The following ZNF875 variants were observed in gnomAD, a reference collection of about 807,000 sequenced individuals.
ZNF875 encodes zinc finger protein 875.
ZNF875 carries 14 observed loss-of-function variants against 11.2 expected under a neutral mutation model. The ratio of observed to expected loss-of-function variants is 1.26; its 90% confidence interval spans 0.83 to 1.96. ZNF875 has a LOEUF of 1.96. Ranked by LOEUF, ZNF875 falls within the 30% of genes most tolerant of loss-of-function variation. The pLI is 0.00. For synonymous variants in ZNF875, 301 were observed against 281.1 expected (o/e 1.07, Z -0.71); for missense variants, 752 against 760.4 (o/e 0.99, Z 0.13).
At chr19:37,359,525 T>A in intron 4 of ZNF875, 1 of 257,868 alleles carries the variant, frequency 3.9e-6, no homozygotes. Flanking sequence ...TGCCTCAGCC[T>A]CCTGAGTAGC....
At chr19:37,351,711 C>G (rs2037929988) in intron 4 of ZNF875, among the ~76,000 whole-genome samples, 1 of 152,108 alleles carries the variant, frequency 6.6e-6, no homozygotes, top group Non-Finnish European at 1.5e-5. Context: ...TCCAGATATT[C>G]AGGTATTTTC....
chr19:37,329,145 T>TG (rs2032991786), intron 4 of ZNF875: 1 of 152,230 alleles, frequency 6.6e-6, no homozygotes, highest in African/African-American at 2.4e-5. Flanking sequence ...GACACACACA[T>TG]CTGCTCACTG....
chr19:37,328,758 C>T (rs1442268327), intron 4 of ZNF875: 1 of 152,138 alleles, frequency 6.6e-6, no homozygotes, highest in Non-Finnish European at 1.5e-5. Flanking sequence ...TGGAGCACTC[C>T]CTGCGTGGTG....
chr19:37,318,451 A>G (rs905420735), intron 1 of ZNF875, among the ~76,000 whole-genome samples: 1 of 152,138 alleles, frequency 6.6e-6, no homozygotes, highest in African/African-American at 2.4e-5. Flanking sequence ...GTTGCTAATC[A>G]AACCAATTTT....
chr19:37,324,417 A>T (rs2032059447), intron 4 of ZNF875, among the ~76,000 whole-genome samples: 2 of 152,102 alleles, frequency 1.3e-5, no homozygotes, highest in African/African-American at 4.8e-5. Context: ...ATACCCCAAG[A>T]GTTGTCTGGT....
At chr19:37,338,817 T>A (rs1006228920) in intron 2 of ZNF875, among the ~76,000 whole-genome samples, 1 of 152,170 alleles carries the variant, frequency 6.6e-6, no homozygotes, top group African/African-American at 2.4e-5. Context: ...TAATCACATG[T>A]TTCAGGAGCG....
intron 4 of ZNF875, among the ~76,000 whole-genome samples, chr19:37,353,452 A>T (rs2038305204): frequency 6.6e-6 from 1 of 152,192 alleles, no homozygotes; most frequent in African/African-American, 2.4e-5. Context: ...ATTTTTAAAG[A>T]AATTAAGGTA....
chr19:37,360,280 C>T (rs1220134374), intron 4 of ZNF875, among the ~76,000 whole-genome samples: 1 of 152,220 alleles, frequency 6.6e-6, no homozygotes, highest in Non-Finnish European at 1.5e-5. Flanking sequence ...TCCATGATCT[C>T]CATCTTCCTC....
chr19:37,319,368 T>TATATATATATATATATAA (rs1390266781), intron 1 of ZNF875, among the ~76,000 whole-genome samples: 1 of 144,020 alleles, frequency 6.9e-6, no homozygotes, highest in African/African-American at 2.6e-5. Flanking sequence ...TATATATATA[T>TATATATATATATATATAA]AATAAAAATG....
At chr19:37,314,123 A>T (rs1415664078), upstream of ZNF875, among the ~76,000 whole-genome samples, 1 of 151,824 alleles carries the variant, frequency 6.6e-6, no homozygotes, top group Non-Finnish European at 1.5e-5. Flanking sequence ...ATTAAAAAAA[A>T]TTTTTTTTAG....
chr19:37,346,733 T>C, intron 2 of ZNF875: 1 of 191,710 alleles, frequency 5.2e-6, no homozygotes, highest in Non-Finnish European at 1.1e-5. Flanking sequence ...AAGTAACAGG[T>C]GCATAAATGA....
intron 2 of ZNF875, chr19:37,344,876 G>A (rs1020791590): frequency 1.4e-5 from 11 of 780,882 alleles, no homozygotes; most frequent in African/African-American, 3.4e-5. Context: ...AGAAGGGGTT[G>A]TAAAAGCAAA....
Position 37,363,728 on chromosome 19 carries a change from A to T in ZNF875, c.1876A>T (p.Ser626Cys), listed in dbSNP as rs2146771145. ...TTGCAGAAAGTGTGGACGGGGCTTT[A>T]GTCGGAAGTCCAACCTTATCAGACA... is the stretch of plus-strand genomic sequence containing the variant. ...YICRKCGRGFSRKSNLIRHQR... is the reference protein window; with the variant it reads ...YICRKCGRGFCRKSNLIRHQR... Residue 626 changes from serine to cysteine, a missense_variant, in exon 5 of 5, where the codon AGT (serine) becomes TGT (cysteine). Physicochemically the swap from Ser to Cys is moderately radical, Grantham distance 112. Coordinates refer to ENST00000392153, the MANE Select transcript of ZNF875 (RefSeq NM_001353803.2). 1 of 1,614,110 alleles carries T rather than the reference A, an allele frequency of 6.2e-7. No individual in the cohort carries two copies. Among genetic ancestry groups the T allele is most frequent in the Admixed American group, 1.7e-5 (1 of 60,010 alleles).
At chr19:37,317,706 C>CGGGT (rs1184097139), upstream of ZNF875, among the ~76,000 whole-genome samples, 7 of 152,232 alleles carry the variant, frequency 4.6e-5, no homozygotes, top group Non-Finnish European at 1.0e-4. Flanking sequence ...GCGGGTCAGG[C>CGGGT]CCAAGCGCTT....
chr19:37,354,673 C>T (rs961272650), intron 4 of ZNF875, among the ~76,000 whole-genome samples: 32 of 152,232 alleles, frequency 2.1e-4, no homozygotes, highest in Non-Finnish European at 4.0e-4. Context: ...GCCAGTTTAA[C>T]GGTATTGAAA....
At chr19:37,322,934 C>A (rs1486977552) in intron 2 of ZNF875, among the ~76,000 whole-genome samples, 1 of 152,102 alleles carries the variant, frequency 6.6e-6, no homozygotes, top group African/African-American at 2.4e-5. Flanking sequence ...CCACCTCCCA[C>A]CTCCACGAAA....
chr19:37,335,094 TGG>T, intron 1 of ZNF875, 73 bp from the exon 2 acceptor site: 1 of 642,978 alleles, frequency 1.6e-6, no homozygotes. Flanking sequence ...TGTGGGGCTC[TGG>T]AGCGGACTGC....
At chr19:37,357,007 G>C (rs372353268) in intron 4 of ZNF875, among the ~76,000 whole-genome samples, 18 of 152,136 alleles carry the variant, frequency 1.2e-4, no homozygotes, top group African/African-American at 4.3e-4. Context: ...GTGTATATGA[G>C]GGGGAAGGGT....
At chr19:37,347,102 C>T (rs893923709) in intron 2 of ZNF875, 88 bp from the exon 3 acceptor site, 1 of 1,581,760 alleles carries the variant, frequency 6.3e-7, no homozygotes, top group Non-Finnish European at 8.7e-7. Flanking sequence ...CAGGCATGAA[C>T]CACCGGGCCT....
Sources: gnomAD v4.1 joint callset for allele counts (sites outside exome capture counted in the v4.1 genomes callset) on GRCh38, gnomAD v4.1.1 for gene constraint, MANE v1.5 for transcripts, NCBI Gene and HGNC (gene_info 2026-07-23, HGNC 2026-07-21) for gene names.